The following BCAT1 variants were observed in gnomAD, a reference collection of about 807,000 sequenced individuals.
BCAT1 encodes branched-chain-amino-acid aminotransferase, cytosolic.
BCAT1 carries 48 observed loss-of-function variants against 52.4 expected under a neutral mutation model. The ratio of observed to expected loss-of-function variants is 0.92; its 90% CI spans 0.73 to 1.16. The LOEUF is 1.16. Among genes scored for constraint, BCAT1 ranks in the 50% most tolerant of loss-of-function variants. The pLI is 0.00. For missense variants in BCAT1, 451 were observed against 457.1 expected (o/e 0.99, Z 0.12); for synonymous variants, 167 against 161.3 (o/e 1.04, Z -0.27).
At chr12:24,905,647 A>G (rs1943212975) in intron 1 of BCAT1, among the ~76,000 whole-genome samples, 1 of 152,222 alleles carries the variant, frequency 6.6e-6, no homozygotes, top group Non-Finnish European at 1.5e-5. Flanking sequence ...AAGTGCTATT[A>G]GTCAGCAACA....
intron 10 of BCAT1, 57 bp from the exon 11 acceptor site, chr12:24,818,106 C>G: frequency 6.4e-7 from 1 of 1,570,566 alleles, no homozygotes; most frequent in Non-Finnish European, 8.8e-7. Context: ...GCAGAAATAG[C>G]TTACAAACAA....
At chr12:24,896,532 G>A (rs914234246) in intron 2 of BCAT1, among the ~76,000 whole-genome samples, 3 of 152,162 alleles carry the variant, frequency 2.0e-5, no homozygotes, top group African/African-American at 4.8e-5. Flanking sequence ...ACTTTGGGAG[G>A]CCGAGGCGGG....
chr12:24,891,809 C>T (rs1448353771), intron 3 of BCAT1, among the ~76,000 whole-genome samples: 2 of 150,946 alleles, frequency 1.3e-5, no homozygotes, highest in East Asian at 1.9e-4. Context: ...AGTGCAGCGG[C>T]GTGATCTCGG....
chr12:24,865,382 C>A (rs569307378), intron 5 of BCAT1, among the ~76,000 whole-genome samples: 1 of 152,256 alleles, frequency 6.6e-6, no homozygotes, highest in Non-Finnish European at 1.5e-5. Context: ...CACATCCAAC[C>A]TATCAGCAAA....
At chr12:24,834,833 CTT>C (rs1020400057) in intron 8 of BCAT1, 2 of 1,084,398 alleles carry the variant, frequency 1.8e-6, no homozygotes, top group African/African-American at 3.4e-5. Context: ...AAAGAAAACT[CTT>C]TTGTAAATAA....
At chr12:24,829,741 A>T (rs1940568275) in intron 10 of BCAT1, 82 bp downstream of exon 10, 1 of 1,091,450 alleles carries the variant, frequency 9.2e-7, no homozygotes, top group Non-Finnish European at 1.3e-6. Flanking sequence ...AATATAATTT[A>T]GTTGTAAGCT....
chr12:24,820,118 A>G (rs763036579), intron 10 of BCAT1, among the ~76,000 whole-genome samples: 2 of 152,186 alleles, frequency 1.3e-5, no homozygotes, highest in Non-Finnish European at 2.9e-5. Context: ...TTTGCTTTCA[A>G]TTAGTTGTTT....
chr12:24,820,675 G>A (rs1455689919), intron 10 of BCAT1, among the ~76,000 whole-genome samples: 3 of 152,130 alleles, frequency 2.0e-5, no homozygotes, highest in East Asian at 1.9e-4. Context: ...TCGAGCCTGC[G>A]GGATGGTATT....
At chr12:24,883,982 G>C (rs543810751) in intron 3 of BCAT1, among the ~76,000 whole-genome samples, 8 of 152,260 alleles carry the variant, frequency 5.3e-5, no homozygotes, top group African/African-American at 1.7e-4. Context: ...TACCACTGCT[G>C]TTCCATAGCC....
chr12:24,899,518 C>T (rs942888727), intron 2 of BCAT1, among the ~76,000 whole-genome samples: 1 of 151,528 alleles, frequency 6.6e-6, no homozygotes, highest in East Asian at 1.9e-4. Flanking sequence ...TATAAACCAA[C>T]AATCCTACTA....
intron 7 of BCAT1, among the ~76,000 whole-genome samples, chr12:24,841,806 G>T (rs182020005): frequency 6.6e-6 from 1 of 152,288 alleles, no homozygotes; most frequent in East Asian, 1.9e-4. Context: ...CTACTCGGGA[G>T]GCTGAGGCAG....
chr12:24,832,675 AT>A, intron 9 of BCAT1, 47 bp downstream of exon 9: 1 of 1,536,366 alleles, frequency 6.5e-7, no homozygotes, highest in East Asian at 2.3e-5. Flanking sequence ...ATTAAATGTA[AT>A]TTAATGTGAT....
intron 2 of BCAT1, among the ~76,000 whole-genome samples, chr12:24,897,447 G>A (rs2139663228): frequency 6.6e-6 from 1 of 152,308 alleles, no homozygotes; most frequent in Non-Finnish European, 1.5e-5. Flanking sequence ...TTCTATTTCA[G>A]TAAACTGCTA....
At chr12:24,921,325 C>T (rs1213627913) in intron 1 of BCAT1, among the ~76,000 whole-genome samples, 4 of 152,162 alleles carry the variant, frequency 2.6e-5, no homozygotes, top group African/African-American at 9.7e-5. Context: ...TTCACAATAT[C>T]ACAGGGACAC....
At chr12:24,887,019 C>T (rs1942682058) in intron 3 of BCAT1, among the ~76,000 whole-genome samples, 1 of 134,072 alleles carries the variant, frequency 7.5e-6, no homozygotes. Flanking sequence ...GCCAAGATCA[C>T]ACCACTGCTC....
intron 7 of BCAT1, among the ~76,000 whole-genome samples, chr12:24,836,887 AAGAAAGAAAGAAAAGAAAGAG>A (rs1940961441): frequency 1.2e-5 from 1 of 83,576 alleles, no homozygotes; most frequent in Non-Finnish European, 2.3e-5. Flanking sequence ...AAGAGAAAGA[AAGAAAGAAAGAAAAGAAAGAG>A]AGAAAGAAAG....
chr12:24,824,584 G>A (rs1333315910), intron 10 of BCAT1, among the ~76,000 whole-genome samples: 2 of 152,152 alleles, frequency 1.3e-5, no homozygotes, highest in African/African-American at 4.8e-5. Context: ...ACAGGAATGA[G>A]CCATCATGCC....
At chr12:24,880,262 A>T (rs1199378346) in intron 4 of BCAT1, among the ~76,000 whole-genome samples, 2 of 152,214 alleles carry the variant, frequency 1.3e-5, no homozygotes, top group African/African-American at 4.8e-5. Flanking sequence ...CAGCCTGGCT[A>T]ACATGGTGAA....
chr12:24,840,066 G>A (rs1054650031), intron 7 of BCAT1, among the ~76,000 whole-genome samples: 5 of 152,086 alleles, frequency 3.3e-5, no homozygotes, highest in African/African-American at 1.2e-4. Context: ...ACAGTCTTAA[G>A]GTCTTGTATA....
Sources: allele counts gnomAD v4.1 joint callset (sites outside exome capture counted in the v4.1 genomes callset), GRCh38; gene constraint gnomAD v4.1.1; transcripts MANE v1.5; gene names NCBI Gene and HGNC (gene_info 2026-07-23, HGNC 2026-07-21).